The following ZNF397 variants were observed in gnomAD, a reference collection of about 807,000 sequenced individuals.
The protein encoded by ZNF397 is zinc finger and SCAN domain-containing protein 15.
ZNF397 carries 38 observed loss-of-function variants against 50.6 expected under a neutral mutation model. The observed-to-expected ratio is 0.75, with a 90% CI of 0.58 to 0.98. ZNF397 has a LOEUF of 0.98. Ranked by LOEUF, ZNF397 falls within the 50% of genes least tolerant of loss-of-function variation. The pLI is 0.00. For synonymous variants in ZNF397, 228 were observed against 215.2 expected (o/e 1.06, Z -0.52); for missense variants, 624 against 624.1 (o/e 1.00, Z 0.00).
Position 35,247,666 on chromosome 18 carries a change from A to ATGTTTTTTTT in ZNF397, c.*1357_*1358insGTTTTTTTTT, listed in dbSNP as rs2043504377. ...CCAGTATTTCACAATATCTTTTGCA[A>ATGTTTTTTTT]TTTTTTTTTTTTTTTTTTTTTTTTT... On this transcript the variant is annotated 3_prime_UTR_variant, in exon 4 of 4. Transcript: ENST00000330501. 1 of 71,946 alleles carries ATGTTTTTTTT rather than the reference A, an allele frequency of 1.4e-5. No individual in the cohort carries two copies. The highest frequency in any genetic ancestry group is 2.4e-5 in the Non-Finnish European group (1 of 41,590). 4.5% of individuals were successfully genotyped at this position (71,946 alleles called of 1,614,324 possible).
intron 2 of ZNF397, 116 bp downstream of exon 2, chr18:35,243,000 C>T: frequency 2.0e-6 from 3 of 1,475,204 alleles, no homozygotes; most frequent in Non-Finnish European, 2.7e-6. Flanking sequence ...CCTGAAGTGA[C>T]TAATAGAGCC....
Position 35,246,344 on chromosome 18 carries a change from G to A in ZNF397, c.*34G>A. ...TACTGTGAATAGTGTAAATACTTCAGTCAGATTTTTAAGTTTGTTAGTCAA... is the reference window on the plus strand; with the variant it reads ...TACTGTGAATAGTGTAAATACTTCAATCAGATTTTTAAGTTTGTTAGTCAA... On this transcript the variant is annotated 3_prime_UTR_variant, in exon 4 of 4. Coordinates refer to ENST00000330501, the MANE Select transcript of ZNF397 (RefSeq NM_001135178.3). 6.8e-7 allele frequency: 1 copy of A among 1,479,230 alleles called. No homozygotes were observed. The highest frequency in any genetic ancestry group is 2.5e-5 in the East Asian group (1 of 40,392). The allele number at this position is 1,479,230 out of a possible 1,614,324, so 91.6% of individuals were successfully genotyped here. A position where few individuals can be genotyped will look rare whatever the true frequency, so the allele number is the denominator to read the frequency against.
rs1392396157 is a variant in ZNF397 at position 35,246,347 on chromosome 18, A to G, written c.*37A>G. 2.1e-5 allele frequency: 31 copies of G among 1,477,006 alleles called. No individual in the cohort carries two copies. Among genetic ancestry groups the G allele is most frequent in the Non-Finnish European group, 2.7e-5 (30 of 1,115,404 alleles). The allele number at this position is 1,477,006 out of a possible 1,614,324, so 91.5% of individuals were successfully genotyped here. A position where few individuals can be genotyped will look rare whatever the true frequency, so the allele number is the denominator to read the frequency against. On this transcript the variant is annotated 3_prime_UTR_variant, in exon 4 of 4. Transcript: ENST00000330501. ...TGTGAATAGTGTAAATACTTCAGTC[A>G]GATTTTTAAGTTTGTTAGTCAAAAG...
At position 35,246,364 on chromosome 18, in the gene ZNF397, A is replaced by C; in HGVS notation, c.*54A>C. 1 of 1,469,408 alleles carries C rather than the reference A, an allele frequency of 6.8e-7. No individual in the cohort carries two copies. 91.0% of individuals were successfully genotyped at this position (1,469,408 alleles called of 1,614,324 possible). On this transcript the variant is annotated 3_prime_UTR_variant, in exon 4 of 4. Transcript: ENST00000330501. Reference sequence around the variant, plus strand: ...CTTCAGTCAGATTTTTAAGTTTGTTAGTCAAAAGAGTTTACTTTGGAGCAA... The same window carrying C: ...CTTCAGTCAGATTTTTAAGTTTGTTCGTCAAAAGAGTTTACTTTGGAGCAA...
intron 5 of ZNF397, among the ~76,000 whole-genome samples, chr18:35,256,775 G>GTTGT: frequency 6.6e-6 from 1 of 151,904 alleles, no homozygotes; most frequent in South Asian, 2.1e-4. Flanking sequence ...TGTTGTTGTT[G>GTTGT]TTGTTTGTTT....
chr18:35,250,388 T>C (rs1287643624), downstream of ZNF397, among the ~76,000 whole-genome samples: 2 of 152,220 alleles, frequency 1.3e-5, no homozygotes, highest in African/African-American at 4.8e-5. Flanking sequence ...CCACTCTTGC[T>C]TGGAAGAAAA....
chr18:35,247,103 C>T lies in ZNF397; in HGVS notation c.*793C>T. 1 of 985,484 alleles carries T rather than the reference C, an allele frequency of 1.0e-6. No individual in the cohort carries two copies. The highest frequency in any genetic ancestry group is 1.2e-6 in the Non-Finnish European group (1 of 830,030). The allele number at this position is 985,484 out of a possible 1,614,324, so 61.0% of individuals were successfully genotyped here. On this transcript the variant is annotated 3_prime_UTR_variant, in exon 4 of 4. Coordinates refer to ENST00000330501, the MANE Select transcript of ZNF397 (RefSeq NM_001135178.3). ...CCCAGTAAAGAACAGTAGCCAAAGG[C>T]CAGAAACAAAGTGTGGAGCATTCCT...
downstream of ZNF397, chr18:35,253,416 GCATTTCA>G (rs779406606): frequency 1.2e-5 from 18 of 1,515,276 alleles, no homozygotes; most frequent in South Asian, 1.7e-4. Flanking sequence ...TGAACTCCTT[GCATTTCA>G]CAATTGTACA....
intron 3 of ZNF397, chr18:35,244,100 A>C (rs1167688868): frequency 6.5e-6 from 1 of 154,492 alleles, no homozygotes; most frequent in Non-Finnish European, 1.5e-5. Flanking sequence ...CTGTAATCCA[A>C]GTGGCCACAG....
chr18:35,255,166 A>G (rs2143656671), intron 5 of ZNF397, among the ~76,000 whole-genome samples: 1 of 151,508 alleles, frequency 6.6e-6, no homozygotes, highest in South Asian at 2.1e-4. Context: ...GACTGCCCAG[A>G]GCCAGACCTT....
At position 35,249,633 on chromosome 18, in the gene ZNF397, A is replaced by T. The variant is rs1481711847; in HGVS notation, c.*3323A>T. The T allele has an allele frequency of 1.7e-5, 2 of 117,968 alleles. No homozygotes were observed. Among genetic ancestry groups the T allele is most frequent in the African/African-American group, 6.6e-5 (2 of 30,120 alleles). The allele number at this position is 117,968 out of a possible 1,614,324, so 7.3% of individuals were successfully genotyped here. ...GTACCACTGTATTCCAGCCTGGGTG[A>T]CAGAGTGAGACTGTGTCTCAAAAAA... On this transcript the variant is annotated 3_prime_UTR_variant, in exon 4 of 4. Transcript: ENST00000330501.
In ZNF397 at chr18:35,246,075, A is replaced by C; in HGVS notation, c.1370A>C (p.Glu457Ala). Residue 457 changes from glutamate (E) to alanine (A), a missense_variant, in exon 4 of 4, where the codon GAA becomes GCA. Glu to Ala is a moderately radical substitution (Grantham distance 107). Coordinates refer to ENST00000330501, the MANE Select transcript of ZNF397 (RefSeq NM_001135178.3). ...GGAGAGAAACCCTATGAATGTAGTGAATGTGGAAAAGCTTTCAGTTTGAGC... is the reference window on the plus strand; with the variant it reads ...GGAGAGAAACCCTATGAATGTAGTGCATGTGGAAAAGCTTTCAGTTTGAGC... Reference protein sequence around the residue: ...HSGEKPYECSECGKAFSLSSN... With the variant: ...HSGEKPYECSACGKAFSLSSN... The C allele has an allele frequency of 1.3e-6, 2 of 1,558,502 alleles. No individual in the cohort carries two copies. The highest frequency in any genetic ancestry group is 1.7e-6 in the Non-Finnish European group (2 of 1,151,078).
rs1211754089 is a variant in ZNF397, at chr18:35,246,789, G to C, written c.*479G>C. The C allele has an allele frequency of 1.0e-6, 1 of 986,628 alleles. No individual in the cohort carries two copies. The highest frequency in any genetic ancestry group is 1.2e-6 in the Non-Finnish European group (1 of 831,144). The allele number at this position is 986,628 out of a possible 1,614,324, so 61.1% of individuals were successfully genotyped here. A position where few individuals can be genotyped will look rare whatever the true frequency, so the allele number is the denominator to read the frequency against. Reference sequence around the variant, plus strand: ...GGGGAAATGGCTTCATCAATGATTTGTTGAGCCCAGGGCAGGCCAGGAATT... The same window carrying C: ...GGGGAAATGGCTTCATCAATGATTTCTTGAGCCCAGGGCAGGCCAGGAATT... On this transcript the variant is annotated 3_prime_UTR_variant, in exon 4 of 4. Coordinates refer to ENST00000330501, the MANE Select transcript of ZNF397 (RefSeq NM_001135178.3).
At chr18:35,242,250 A>G (rs1243625695) in intron 1 of ZNF397, 141 bp from the exon 2 acceptor site, 1 of 428,870 alleles carries the variant, frequency 2.3e-6, no homozygotes, top group East Asian at 3.5e-5. Flanking sequence ...TTTTTAGTTT[A>G]TCATCACATT....
intron 5 of ZNF397, among the ~76,000 whole-genome samples, chr18:35,255,321 G>T (rs2043765770): frequency 6.6e-6 from 1 of 151,670 alleles, no homozygotes; most frequent in Admixed American, 6.6e-5. Flanking sequence ...TATATCTAGA[G>T]ATTTCTAGTA....
At chr18:35,253,528 A>G (rs773925383), downstream of ZNF397, 10 of 1,613,596 alleles carry the variant, frequency 6.2e-6, no homozygotes, top group East Asian at 4.5e-5. Flanking sequence ...CACTACATTC[A>G]TAAGGCTTCT....
downstream of ZNF397, chr18:35,253,020 T>C (rs992716509): frequency 6.3e-6 from 1 of 158,034 alleles, no homozygotes; most frequent in Non-Finnish European, 1.4e-5. Context: ...GATAGTTGAA[T>C]AACTCTCAGC....
At chr18:35,258,042 A>C (rs1466634751) in exon 6 of ZNF397, 1 of 778,060 alleles carries the variant, frequency 1.3e-6, no homozygotes, top group Admixed American at 1.7e-5. Context: ...AGAAACTTAT[A>C]ACTCAAGGTT....
downstream of ZNF397, chr18:35,253,456 T>A (rs941121247): frequency 6.4e-7 from 1 of 1,569,926 alleles, no homozygotes; most frequent in Non-Finnish European, 8.7e-7. Context: ...AGAGTTAAAC[T>A]CTGGTGTGTG....
Sources: gnomAD v4.1 joint callset for allele counts (sites outside exome capture counted in the v4.1 genomes callset) on GRCh38, gnomAD v4.1.1 for gene constraint, MANE v1.5 for transcripts, NCBI Gene and HGNC (gene_info 2026-07-23, HGNC 2026-07-21) for gene names.